Variants in EHMT1 observed in about 807,000 individuals in gnomAD.
The protein encoded by EHMT1 is histone-lysine N-methyltransferase EHMT1.
Under a neutral mutation model 147.2 loss-of-function variants are expected in EHMT1, and 15 were observed. That is an observed-to-expected ratio of 0.10 (90% CI 0.07 to 0.16). The LOEUF (loss-of-function observed/expected upper bound fraction) is 0.16, where lower values mean the gene tolerates loss of function less well. EHMT1 is among the 10% of genes least tolerant of loss of function. The pLI is 1.00. For missense variants in EHMT1, 1,587 were observed against 1,772.4 expected (o/e 0.90, Z 1.88); for synonymous variants, 795 against 709.6 (o/e 1.12, Z -1.91).
In EHMT1 at chr9:137,716,489, TGGGG is replaced by T. The variant is rs111986811; in HGVS notation, c.86-135_86-132del. On this transcript the variant is annotated intron_variant, in intron 2 of 26. Coordinates refer to ENST00000460843, the MANE Select transcript of EHMT1 (RefSeq NM_024757.5). ...GGAGGAAGTTGTGTTGGTGTCATGGTGGGGGAGGAAGTTGTGGTGGTGTCATGGT... is the reference window on the plus strand; with the variant it reads ...GGAGGAAGTTGTGTTGGTGTCATGGTGAGGAAGTTGTGGTGGTGTCATGGT... 3 of 306,400 alleles carry T rather than the reference TGGGG, an allele frequency of 9.8e-6. No individual in the cohort carries two copies. The African/African-American group carries it at 3.1e-4, about 32-fold the overall frequency. The allele number at this position is 306,400 out of a possible 1,614,324, so 19.0% of individuals were successfully genotyped here. A position where few individuals can be genotyped will look rare whatever the true frequency, so the allele number is the denominator to read the frequency against.
At chr9:137,825,642 A>G (rs1955760330) in intron 25 of EHMT1, among the ~76,000 whole-genome samples, 1 of 152,096 alleles carries the variant, frequency 6.6e-6, no homozygotes, top group Non-Finnish European at 1.5e-5. Context: ...AAGGAGGCAT[A>G]TTTTTCCTCT....
At chr9:137,809,640 A>G (rs963140143) in intron 18 of EHMT1, among the ~76,000 whole-genome samples, 2 of 152,246 alleles carry the variant, frequency 1.3e-5, no homozygotes, top group African/African-American at 4.8e-5. Flanking sequence ...AGAGCAGAAC[A>G]CACTTCAGGA....
Position 137,782,714 on chromosome 9 carries a change from G to A in EHMT1, c.2382+317G>A, listed in dbSNP as rs556315789. 3.7e-4 allele frequency among the ~76,000 whole-genome samples: 57 copies of A among 152,132 alleles called. No individual in the cohort carries two copies. Among genetic ancestry groups the A allele is most frequent in the Non-Finnish European group, 7.5e-4 (51 of 68,024 alleles). On this transcript the variant is annotated intron_variant, in intron 15 of 26. Coordinates refer to ENST00000460843, the MANE Select transcript of EHMT1 (RefSeq NM_024757.5). The surrounding 1 kb of genome is among the most constrained non-coding windows in gnomAD (Gnocchi z 5.7). ...GGGAGCCAAGCACTCGCAGAGGCAC[G>A]GACGCCCCTCCCCCAGCCCCGTTGA...
At chr9:137,675,419 G>GA (rs1277322159) in intron 1 of EHMT1, among the ~76,000 whole-genome samples, 1 of 152,156 alleles carries the variant, frequency 6.6e-6, no homozygotes, top group African/African-American at 2.4e-5. Flanking sequence ...GGGTTGGTGT[G>GA]AGGGAGCATG....
chr9:137,723,628 G>T (rs1329732083), intron 3 of EHMT1, among the ~76,000 whole-genome samples: 1 of 152,122 alleles, frequency 6.6e-6, no homozygotes, highest in African/African-American at 2.4e-5. Flanking sequence ...GTGGCCCGGG[G>T]TGTGCCCGTG....
intron 1 of EHMT1, among the ~76,000 whole-genome samples, chr9:137,686,561 T>A (rs769430055): frequency 6.6e-6 from 1 of 151,622 alleles, no homozygotes; most frequent in Non-Finnish European, 1.5e-5. Flanking sequence ...GGCTAGTTTT[T>A]GTATTTTTTG....
intron 1 of EHMT1, among the ~76,000 whole-genome samples, chr9:137,683,317 G>T (rs1473620714): frequency 6.6e-6 from 1 of 152,250 alleles, no homozygotes; most frequent in Non-Finnish European, 1.5e-5. Flanking sequence ...AGGCTAAATA[G>T]CAGTGAGAAT....
chr9:137,731,865 G>A lies in EHMT1; in HGVS notation c.823+3336G>A, dbSNP rs1214503152. On this transcript the variant is annotated intron_variant, in intron 4 of 26. Coordinates refer to ENST00000460843, the MANE Select transcript of EHMT1 (RefSeq NM_024757.5). This position sits in a 1 kb window ranked among gnomAD's most constrained non-coding sequence, Gnocchi z 4.3. ...CTTGGCTGCTGTGGTGGGGCAGGCA[G>A]CTCCAGGCTCTGGCTCTGTGCAGAG... Among the ~76,000 whole-genome samples the A allele has an allele frequency of 1.3e-5, 2 of 152,212 alleles. No individual in the cohort carries two copies. Among genetic ancestry groups the A allele is most frequent in the African/African-American group, 4.8e-5 (2 of 41,458 alleles).
At chr9:137,739,864 C>G (rs942739934) in intron 4 of EHMT1, among the ~76,000 whole-genome samples, 2 of 152,102 alleles carry the variant, frequency 1.3e-5, no homozygotes, top group African/African-American at 2.4e-5. Flanking sequence ...GTGGACTTGT[C>G]GGGCAGGGAG....
intron 4 of EHMT1, 140 bp downstream of exon 4, chr9:137,728,669 G>A: frequency 2.6e-6 from 3 of 1,156,022 alleles, no homozygotes; most frequent in Non-Finnish European, 1.3e-6. Flanking sequence ...GCCCTCCTGT[G>A]CTCGCCTGTA....
At chr9:137,739,594 C>T (rs997344550) in intron 4 of EHMT1, among the ~76,000 whole-genome samples, 32 of 151,846 alleles carry the variant, frequency 2.1e-4, no homozygotes, top group African/African-American at 6.8e-4. Context: ...GTAGAAGCTG[C>T]AGGTCCCTGC....
rs746769518 is a variant in EHMT1, at chr9:137,775,171, G to T, written c.1710G>T (p.Pro570=). Residue 570 remains proline, a synonymous_variant, in exon 11 of 27, where the codon CCG becomes CCT. Transcript: ENST00000460843. This position sits in a 1 kb window ranked among gnomAD's most constrained non-coding sequence, Gnocchi z 6.1. ...TGATGCGCCCCTCCAACAAGGCCCC[G>T]CTCCTCGTGCTGTGTGAAGACCACC... ...YELMRPSNKA[P]LLVLCEDHRG... The T allele has an allele frequency of 6.2e-7, 1 of 1,613,958 alleles. No homozygotes were observed. Among genetic ancestry groups the T allele is most frequent in the Non-Finnish European group, 8.5e-7 (1 of 1,180,024 alleles).
chr9:137,818,011 G>A (rs748702614), intron 24 of EHMT1, 49 bp from the exon 25 acceptor site: 8 of 1,579,702 alleles, frequency 5.1e-6, no homozygotes, highest in Non-Finnish European at 7.0e-6. Context: ...TTGTCTGTGG[G>A]CAGTGCTCGC....
chr9:137,749,338 CAT>C (rs1380045994), intron 6 of EHMT1, among the ~76,000 whole-genome samples: 2 of 152,082 alleles, frequency 1.3e-5, no homozygotes, highest in African/African-American at 4.8e-5. Flanking sequence ...AGTGGCAAAT[CAT>C]AGTTTATTGT....
intron 12 of EHMT1, 128 bp from the exon 13 acceptor site, chr9:137,777,754 C>T: frequency 7.3e-7 from 1 of 1,376,382 alleles, no homozygotes; most frequent in Non-Finnish European, 1.0e-6. Context: ...CCGTTAAATC[C>T]AGGGACTAAG....
chr9:137,681,092 C>T (rs1386228603), intron 1 of EHMT1, among the ~76,000 whole-genome samples: 3 of 152,198 alleles, frequency 2.0e-5, no homozygotes, highest in African/African-American at 7.2e-5. Flanking sequence ...GGAGCAAAGC[C>T]CAGGCCACTC....
chr9:137,757,739 A>G, intron 8 of EHMT1, 141 bp from the exon 9 acceptor site: 1 of 1,212,662 alleles, frequency 8.2e-7, no homozygotes, highest in African/African-American at 1.5e-5. Flanking sequence ...TCTAAACCAT[A>G]GTGGGTTTCA....
chr9:137,821,507 A>AT (rs576513659), intron 25 of EHMT1, among the ~76,000 whole-genome samples: 1 of 150,810 alleles, frequency 6.6e-6, no homozygotes, highest in Non-Finnish European at 1.5e-5. Flanking sequence ...TTTTTATTTT[A>AT]TTTTTATAGA....
chr9:137,777,738 C>A, intron 12 of EHMT1, 144 bp from the exon 13 acceptor site: 1 of 1,269,210 alleles, frequency 7.9e-7, no homozygotes, highest in Non-Finnish European at 1.1e-6. Context: ...GGTTCTGAAT[C>A]CTGAACCGTT....
Sources: allele counts gnomAD v4.1 joint callset (sites outside exome capture counted in the v4.1 genomes callset), GRCh38; gene constraint gnomAD v4.1.1; non-coding constraint Gnocchi (gnomAD v3.1); transcripts MANE v1.5; gene names NCBI Gene and HGNC (gene_info 2026-07-23, HGNC 2026-07-21).